LIPC: variants seen among roughly 807,000 people sequenced by gnomAD.
The protein encoded by LIPC is hepatic triacylglycerol lipase.
A neutral mutation model predicts 50.7 loss-of-function variants in LIPC; 44 were observed. The observed-to-expected ratio is 0.87, with a 90% CI of 0.68 to 1.11. The LOEUF is 1.11. Ranked by LOEUF, LIPC falls within the 50% of genes most tolerant of loss-of-function variation. The pLI is 0.00. For missense variants in LIPC, 697 were observed against 648.2 expected (o/e 1.08, Z -0.82); for synonymous variants, 271 against 256.4 (o/e 1.06, Z -0.54).
chr15:58,525,319 T>C (rs1892769130), intron 1 of LIPC, among the ~76,000 whole-genome samples: 1 of 152,246 alleles, frequency 6.6e-6, no homozygotes, highest in African/African-American at 2.4e-5. Flanking sequence ...CAAGCTCCTG[T>C]ATACACAGCT....
chr15:58,556,386 T>G (rs1310409196), intron 6 of LIPC, among the ~76,000 whole-genome samples: 1 of 152,214 alleles, frequency 6.6e-6, no homozygotes, highest in African/African-American at 2.4e-5. Flanking sequence ...GACCACAACT[T>G]CTAGTTCTCT....
At chr15:58,463,926 A>G (rs1894444154) in intron 1 of LIPC, among the ~76,000 whole-genome samples, 1 of 152,266 alleles carries the variant, frequency 6.6e-6, no homozygotes, top group African/African-American at 2.4e-5. Context: ...CCCGAAAAGC[A>G]AAAAGCCTTT....
At chr15:58,486,370 C>T (rs1168171709) in intron 1 of LIPC, among the ~76,000 whole-genome samples, 1 of 152,166 alleles carries the variant, frequency 6.6e-6, no homozygotes, top group East Asian at 1.9e-4. Flanking sequence ...CCATGCAAAC[C>T]AGGATGGTTG....
At chr15:58,443,829 AGTTTGGAGCAAT>A (rs758564175) in intron 1 of LIPC, among the ~76,000 whole-genome samples, 1 of 152,080 alleles carries the variant, frequency 6.6e-6, no homozygotes, top group Non-Finnish European at 1.5e-5. Context: ...TAGGCGGTGG[AGTTTGGAGCAAT>A]GTTTTGCGGG....
chr15:58,536,721 CTTCA>C (rs1249982369), intron 1 of LIPC, among the ~76,000 whole-genome samples: 1 of 152,174 alleles, frequency 6.6e-6, no homozygotes, highest in Non-Finnish European at 1.5e-5. Flanking sequence ...CAGAAATTTT[CTTCA>C]TTATCTCAGA....
intron 1 of LIPC, among the ~76,000 whole-genome samples, chr15:58,451,570 T>C (rs1344085801): frequency 6.6e-6 from 1 of 152,148 alleles, no homozygotes; most frequent in Non-Finnish European, 1.5e-5. Context: ...TGTCCACCCC[T>C]GAATAGATGG....
intron 1 of LIPC, chr15:58,435,496 G>C (rs1303558769): frequency 7.0e-5 from 9 of 128,164 alleles, no homozygotes; most frequent in African/African-American, 2.6e-4. Flanking sequence ...GGTGGGGAGG[G>C]AATAGGGGGC....
intron 1 of LIPC, chr15:58,533,033 C>T (rs1201630831): frequency 2.6e-6 from 1 of 384,338 alleles, no homozygotes; most frequent in Non-Finnish European, 3.6e-6. Context: ...CCATCAACCC[C>T]TTTTCCTGGA....
chr15:58,462,801 G>A (rs1250383882), intron 1 of LIPC, among the ~76,000 whole-genome samples: 1 of 152,184 alleles, frequency 6.6e-6, no homozygotes, highest in African/African-American at 2.4e-5. Context: ...CCCACTGGCT[G>A]AGCTCTGGCC....
intron 1 of LIPC, among the ~76,000 whole-genome samples, chr15:58,531,356 G>A (rs1486426242): frequency 2.0e-5 from 3 of 152,052 alleles, no homozygotes; most frequent in African/African-American, 4.8e-5. Context: ...AGGACTTTAG[G>A]GAAGCAAGCC....
intron 8 of LIPC, chr15:58,565,505 T>A: frequency 7.3e-7 from 1 of 1,376,296 alleles, no homozygotes; most frequent in Non-Finnish European, 9.4e-7. Context: ...AAGCAGGTGC[T>A]CCATGGCATT....
intron 1 of LIPC, among the ~76,000 whole-genome samples, chr15:58,499,750 TA>T (rs1305105001): frequency 2.6e-5 from 4 of 152,218 alleles, no homozygotes; most frequent in African/African-American, 9.6e-5. Context: ...GTCTTCTTGC[TA>T]AACAAGTTGG....
intron 1 of LIPC, among the ~76,000 whole-genome samples, chr15:58,472,460 C>T (rs918691876): frequency 8.8e-4 from 133 of 151,126 alleles, no homozygotes; most frequent in African/African-American, 3.1e-3. Context: ...CCTGTAATCC[C>T]AACTACTCAG....
At chr15:58,458,091 G>A (rs1487726574) in intron 1 of LIPC, among the ~76,000 whole-genome samples, 3 of 152,008 alleles carry the variant, frequency 2.0e-5, no homozygotes, top group Admixed American at 1.3e-4. Flanking sequence ...GCTGTCCTTA[G>A]TAGCTAGGGA....
intron 1 of LIPC, among the ~76,000 whole-genome samples, chr15:58,445,466 G>A (rs2140655978): frequency 6.6e-6 from 1 of 152,342 alleles, no homozygotes; most frequent in East Asian, 1.9e-4. Context: ...TTCCCACATA[G>A]AAGGGTCAAG....
chr15:58,518,402 G>C (rs190962328), intron 1 of LIPC, among the ~76,000 whole-genome samples: 1 of 152,348 alleles, frequency 6.6e-6, no homozygotes, highest in African/African-American at 2.4e-5. Flanking sequence ...AGAGGAACTT[G>C]TGCTGATACC....
At chr15:58,534,230 G>C (rs1202859635) in intron 1 of LIPC, among the ~76,000 whole-genome samples, 1 of 152,186 alleles carries the variant, frequency 6.6e-6, no homozygotes, top group African/African-American at 2.4e-5. Context: ...GCCCAGTCGA[G>C]AGCTGGTGAT....
intron 1 of LIPC, among the ~76,000 whole-genome samples, chr15:58,450,261 A>C (rs2140669883): frequency 6.6e-6 from 1 of 152,318 alleles, no homozygotes; most frequent in South Asian, 2.1e-4. Flanking sequence ...ATCACAACCC[A>C]CTGAAGAGCT....
intron 6 of LIPC, among the ~76,000 whole-genome samples, chr15:58,553,665 T>C (rs1216947904): frequency 6.6e-6 from 1 of 152,204 alleles, no homozygotes; most frequent in East Asian, 1.9e-4. Flanking sequence ...ATCACTTAAA[T>C]GGGACTGTAC....
Sources: allele counts gnomAD v4.1 joint callset (sites outside exome capture counted in the v4.1 genomes callset), GRCh38; gene constraint gnomAD v4.1.1; transcripts MANE v1.5; gene names NCBI Gene and HGNC (gene_info 2026-07-23, HGNC 2026-07-21).